The following NRXN1 variants were observed in gnomAD, a reference collection of about 807,000 sequenced individuals.
The protein encoded by NRXN1 is neurexin-1.
Under a neutral mutation model 150.9 loss-of-function variants are expected in NRXN1, and 39 were observed. The ratio of observed to expected loss-of-function variants is 0.26; its 90% confidence interval spans 0.20 to 0.34. The LOEUF is 0.34. Among genes scored for constraint, NRXN1 ranks in the 10% least tolerant of loss-of-function variants. The pLI, the probability that NRXN1 is intolerant of heterozygous loss-of-function variation, is 1.00. For synonymous variants in NRXN1, 924 were observed against 757.0 expected (o/e 1.22, Z -3.62); for missense variants, 1,815 against 1,949.9 (o/e 0.93, Z 1.30).
chr2:50,452,816 A>G (rs2087104800), intron 17 of NRXN1, among the ~76,000 whole-genome samples: 1 of 152,186 alleles, frequency 6.6e-6, no homozygotes, highest in African/African-American at 2.4e-5. Flanking sequence ...AATCTATATA[A>G]ATTATCAGGC....
At chr2:50,149,378 A>C (rs2058565743) in intron 18 of NRXN1, among the ~76,000 whole-genome samples, 1 of 151,758 alleles carries the variant, frequency 6.6e-6, no homozygotes, top group Non-Finnish European at 1.5e-5. Flanking sequence ...CCAAATTGTC[A>C]CCACTACTGA....
chr2:50,001,574 T>C (rs1683935035), intron 21 of NRXN1, among the ~76,000 whole-genome samples: 1 of 152,100 alleles, frequency 6.6e-6, no homozygotes, highest in African/African-American at 2.4e-5. Context: ...GCTGCGTGCT[T>C]TGGATGAGTA....
chr2:50,147,898 T>C (rs1489032542), intron 18 of NRXN1, among the ~76,000 whole-genome samples: 1 of 151,708 alleles, frequency 6.6e-6, no homozygotes, highest in African/African-American at 2.4e-5. Context: ...CCTATGCATG[T>C]AGCTGCTTGT....
chr2:50,329,613 GTGTGTATATA>G (rs1558536075), intron 17 of NRXN1, among the ~76,000 whole-genome samples: 4 of 18,712 alleles, frequency 2.1e-4, no homozygotes, highest in Non-Finnish European at 3.8e-4. Flanking sequence ...GTGTGTGTGT[GTGTGTATATA>G]TATATATATA....
Position 50,538,323 on chromosome 2 carries a change from G to A in NRXN1, c.2073C>T (p.Cys691=). The A allele has an allele frequency of 6.2e-7, 1 of 1,613,916 alleles. No individual in the cohort carries two copies. Among genetic ancestry groups the A allele is most frequent in the Non-Finnish European group, 8.5e-7 (1 of 1,179,866 alleles). The change falls in exon 10 of 23, where the codon TGC becomes TGT. Residue 691 remains cysteine, a synonymous_variant. Coordinates refer to ENST00000401669, the MANE Select transcript of NRXN1 (RefSeq NM_001330078.2). ...LSNPCKNNGM[C]RDGWNRYVCD... is the part of the protein sequence containing the mutation. ...AGACATATCTGTTCCACCCATCCCT[G>A]CACATGCCATTGTTTTTGCAAGGGT...
At position 50,347,008 on chromosome 2, in the gene NRXN1, A is replaced by T. The variant is rs200828950; in HGVS notation, c.3365-110038T>A. On this transcript the variant is annotated intron_variant, in intron 17 of 22. Transcript: ENST00000401669. This position sits in a 1 kb window ranked among gnomAD's most constrained non-coding sequence, Gnocchi z 4.9. ...GAGGCAAAGTTTGGGGCGCGGGGAG[A>T]GGAGAGGGCGCAGGGGAGCGGGCGG... is the stretch of plus-strand genomic sequence containing the variant. The T allele has an allele frequency of 2.9e-6, 4 of 1,367,538 alleles. No individual in the cohort carries two copies. Among genetic ancestry groups the T allele is most frequent in the Non-Finnish European group, 2.8e-6 (3 of 1,059,960 alleles). The allele number at this position is 1,367,538 out of a possible 1,614,324, so 84.7% of individuals were successfully genotyped here.
chr2:50,822,096 A>G (rs1669823005), intron 5 of NRXN1, among the ~76,000 whole-genome samples: 1 of 152,136 alleles, frequency 6.6e-6, no homozygotes, highest in Non-Finnish European at 1.5e-5. Context: ...ACTACCTATG[A>G]TTTCAGAACT....
At chr2:49,947,570 C>G (rs1673174704) in intron 21 of NRXN1, among the ~76,000 whole-genome samples, 2 of 144,158 alleles carry the variant, frequency 1.4e-5, no homozygotes, top group African/African-American at 5.1e-5. Context: ...CTGTGTTACC[C>G]AGGCTGATCT....
intron 12 of NRXN1, among the ~76,000 whole-genome samples, chr2:50,508,720 G>A (rs2092339609): frequency 6.6e-6 from 1 of 152,028 alleles, no homozygotes; most frequent in Admixed American, 6.6e-5. Flanking sequence ...AAGTCATAAT[G>A]CTTAATCTAT....
chr2:50,360,045 A>C (rs542896765), intron 17 of NRXN1, among the ~76,000 whole-genome samples: 1 of 152,334 alleles, frequency 6.6e-6, no homozygotes, highest in East Asian at 1.9e-4. Context: ...TCCTTTACAG[A>C]CAAGCAAATG....
intron 17 of NRXN1, among the ~76,000 whole-genome samples, chr2:50,275,522 G>A (rs1375141528): frequency 6.6e-6 from 1 of 151,866 alleles, no homozygotes; most frequent in Non-Finnish European, 1.5e-5. Context: ...ATCTATTCAT[G>A]GGTAGTTGTC....
intron 5 of NRXN1, among the ~76,000 whole-genome samples, chr2:50,752,176 T>G (rs574605096): frequency 6.6e-6 from 1 of 152,038 alleles, no homozygotes; most frequent in Admixed American, 6.6e-5. Flanking sequence ...TCAAATAAAT[T>G]AACAGTGGGT....
At chr2:50,030,878 G>GT (rs1310403378) in intron 21 of NRXN1, among the ~76,000 whole-genome samples, 2 of 152,020 alleles carry the variant, frequency 1.3e-5, no homozygotes, top group African/African-American at 4.8e-5. Flanking sequence ...CACAAAGTAA[G>GT]TATTTTTTCA....
At chr2:50,335,696 G>A (rs997995073) in intron 17 of NRXN1, among the ~76,000 whole-genome samples, 1 of 152,116 alleles carries the variant, frequency 6.6e-6, no homozygotes, top group African/African-American at 2.4e-5. Context: ...CAAATTGTTG[G>A]GTTACTACAC....
At position 49,920,736 on chromosome 2, in the gene NRXN1, GTGTGTGTGA is replaced by G; in HGVS notation, c.*1199_*1207del. On this transcript the variant is annotated 3_prime_UTR_variant, in exon 23 of 23. Coordinates refer to ENST00000401669, the MANE Select transcript of NRXN1 (RefSeq NM_001330078.2). Reference sequence around the variant, plus strand: ...TGTGTGTGTGTGTGTGTGTGTGTGTGTGTGTGTGAAAATAGTGAATGTATGTGGGAATGT... The same window carrying G: ...TGTGTGTGTGTGTGTGTGTGTGTGTGAAATAGTGAATGTATGTGGGAATGT... 1 of 120,668 alleles carries G rather than the reference GTGTGTGTGA, an allele frequency of 8.3e-6. No individual in the cohort carries two copies. The highest frequency in any genetic ancestry group is 1.8e-5 in the Non-Finnish European group (1 of 54,818). The allele number at this position is 120,668 out of a possible 1,614,324, so 7.5% of individuals were successfully genotyped here. A position where few individuals can be genotyped will look rare whatever the true frequency, so the allele number is the denominator to read the frequency against.
intron 8 of NRXN1, 53 bp downstream of exon 8, chr2:50,619,969 C>A: frequency 6.9e-7 from 1 of 1,446,440 alleles, no homozygotes; most frequent in Non-Finnish European, 9.2e-7. Context: ...CATGCTGGAT[C>A]TGAAATGATG....
chr2:50,891,890 T>C (rs974839253), intron 5 of NRXN1, among the ~76,000 whole-genome samples: 5 of 152,070 alleles, frequency 3.3e-5, no homozygotes, highest in South Asian at 2.1e-4. Flanking sequence ...ATTCACTGAA[T>C]TGATATTTTC....
intron 5 of NRXN1, among the ~76,000 whole-genome samples, chr2:50,889,449 C>T (rs1182494620): frequency 6.6e-6 from 1 of 151,672 alleles, no homozygotes; most frequent in African/African-American, 2.4e-5. Flanking sequence ...TAAGTTCATG[C>T]AAGTAAAAGT....
intron 18 of NRXN1, among the ~76,000 whole-genome samples, chr2:50,195,259 C>T (rs2061684303): frequency 6.6e-6 from 1 of 152,172 alleles, no homozygotes; most frequent in South Asian, 2.1e-4. Context: ...AAGCGAACCT[C>T]ATCAGCGATC....
Sources: allele counts gnomAD v4.1 joint callset (sites outside exome capture counted in the v4.1 genomes callset), GRCh38; gene constraint gnomAD v4.1.1; non-coding constraint Gnocchi (gnomAD v3.1); transcripts MANE v1.5; gene names NCBI Gene and HGNC (gene_info 2026-07-23, HGNC 2026-07-21).